Variants in LHX6 observed in about 807,000 individuals in gnomAD.
The protein encoded by LHX6 is LIM homeobox 6, also known as LIM/homeobox protein Lhx6.
LHX6 carries 15 observed loss-of-function variants against 47.1 expected under a neutral mutation model. The observed-to-expected ratio is 0.32, with a 90% CI of 0.21 to 0.49. The LOEUF is 0.49. Among genes scored for constraint, LHX6 ranks in the 20% least tolerant of loss-of-function variants. LHX6 has a pLI of 0.99. For missense variants in LHX6, 404 were observed against 539.6 expected (o/e 0.75, Z 2.49); for synonymous variants, 242 against 233.5 (o/e 1.04, Z -0.33).
intron 9 of LHX6, among the ~76,000 whole-genome samples, chr9:122,205,633 C>T (rs1050872149): frequency 2.0e-5 from 3 of 152,164 alleles, no homozygotes; most frequent in African/African-American, 7.2e-5. Flanking sequence ...ATGTTACTTG[C>T]CCAGAACTGG....
intron 4 of LHX6, among the ~76,000 whole-genome samples, chr9:122,220,005 A>T (rs568641218): frequency 2.0e-5 from 3 of 152,334 alleles, no homozygotes; most frequent in East Asian, 3.9e-4. Flanking sequence ...AGGAAAGGTC[A>T]TGGCCATCAG....
rs1179534158 is a variant in LHX6 at position 122,227,418 on chromosome 9, C to A, written c.147G>T (p.Pro49=). The A allele has an allele frequency of 2.3e-6, 3 of 1,284,466 alleles. No homozygotes were observed. The highest frequency in any genetic ancestry group is 3.0e-6 in the Non-Finnish European group (3 of 986,380). The allele number at this position is 1,284,466 out of a possible 1,614,324, so 79.6% of individuals were successfully genotyped here. ...GGCCAAACGGACTCACCATGGCGGG[C>A]GGCGCGGTCCCTTCAAGACAGCGGG... ...ATTRCLEGTA[P]PAMAQSDAEA... The change falls in exon 2 of 10, where the codon CCG becomes CCT. Residue 49 remains proline, a synonymous_variant. Transcript: ENST00000394319.
chr9:122,222,898 T>C (rs1830929571), intron 4 of LHX6, among the ~76,000 whole-genome samples: 1 of 152,184 alleles, frequency 6.6e-6, no homozygotes, highest in Non-Finnish European at 1.5e-5. Flanking sequence ...TGGCCTCTCT[T>C]TGGGCAGAGT....
chr9:122,219,275 C>A (rs1830724661), intron 4 of LHX6, among the ~76,000 whole-genome samples: 1 of 152,232 alleles, frequency 6.6e-6, no homozygotes, highest in Non-Finnish European at 1.5e-5. Context: ...GCGACAGGAC[C>A]CTTCCGCAGG....
chr9:122,204,743 C>T lies in LHX6; in HGVS notation c.*17G>A, dbSNP rs374714258. ...GCTGTGGGGCGCCCACGGGCAGATG[C>T]GGAAGTGCCGGCAGCGTTAGTACTG... On this transcript the variant is annotated 3_prime_UTR_variant, in exon 10 of 10. Coordinates refer to ENST00000394319, the MANE Select transcript of LHX6 (RefSeq NM_014368.5). The T allele has an allele frequency of 9.4e-6, 15 of 1,596,402 alleles. No individual in the cohort carries two copies. The highest frequency in any genetic ancestry group is 4.6e-5 in the East Asian group (2 of 43,444).
chr9:122,213,722 G>T lies in LHX6; in HGVS notation c.938C>A (p.Pro313Gln), dbSNP rs142314211. 1.3e-5 allele frequency: 21 copies of T among 1,611,556 alleles called. No individual in the cohort carries two copies. In the African/African-American group the frequency reaches 2.7e-4, roughly 20 times the overall value. ...GCGGGACGGGGGCGCCCCCGAGGGCGGCACTGGGTGTTGCGGCGTGTGCTT... is the reference window on the plus strand; with the variant it reads ...GCGGGACGGGGGCGCCCCCGAGGGCTGCACTGGGTGTTGCGGCGTGTGCTT... ...HKKHTPQHPV[P>Q]PSGAPPSRLP... The change falls in exon 8 of 10, where the codon CCG (proline) becomes CAG (glutamine). Residue 313 changes from proline (P) to glutamine (Q), a missense_variant. Around this residue, in one of 7 missense-constraint regions of LHX6, gnomAD observed 127 missense variants for 116.1 expected, o/e 1.09. Transcript: ENST00000394319. This position sits in a 1 kb window ranked among gnomAD's most constrained non-coding sequence, Gnocchi z 5.5.
At position 122,203,638 on chromosome 9, in the gene LHX6, TG is replaced by T. The variant is rs1830063554; in HGVS notation, c.*1121del. The T allele has an allele frequency of 6.6e-6, 1 of 152,592 alleles. No homozygotes were observed. The highest frequency in any genetic ancestry group is 2.4e-5 in the African/African-American group (1 of 41,464). 9.5% of individuals were successfully genotyped at this position (152,592 alleles called of 1,614,324 possible). A position where few individuals can be genotyped will look rare whatever the true frequency, so the allele number is the denominator to read the frequency against. On this transcript the variant is annotated 3_prime_UTR_variant, in exon 10 of 10. Coordinates refer to ENST00000394319, the MANE Select transcript of LHX6 (RefSeq NM_014368.5). ...TGTGTCTGACCTCTGTTCTCAGGGGTGGGTGGGGCTGGCTCCAGGAAGTATT... is the reference window on the plus strand; with the variant it reads ...TGTGTCTGACCTCTGTTCTCAGGGGTGGTGGGGCTGGCTCCAGGAAGTATT...
intron 9 of LHX6, among the ~76,000 whole-genome samples, chr9:122,208,834 T>TTA (rs1830289456): frequency 2.6e-5 from 3 of 117,290 alleles, no homozygotes; most frequent in African/African-American, 9.7e-5. Flanking sequence ...AAACTCTGTC[T>TTA]AAAAAAAAAA....
intron 1 of LHX6, chr9:122,227,764 G>A (rs1226074486): frequency 6.2e-6 from 3 of 485,478 alleles, no homozygotes; most frequent in Non-Finnish European, 1.0e-5. Context: ...GCCTCTGAGG[G>A]GGGAAGAAAA....
Position 122,203,363 on chromosome 9 carries a change from T to C in LHX6, c.*1397A>G, listed in dbSNP as rs1564428703. The stretch of plus-strand genomic sequence containing the variant: ...GGCTGCGTATGTACCATGAACTTGC[T>C]TTCCCTGTCTTAGAGTCTCCTTCCA... On this transcript the variant is annotated 3_prime_UTR_variant, in exon 10 of 10. Coordinates refer to ENST00000394319, the MANE Select transcript of LHX6 (RefSeq NM_014368.5). 2 of 152,542 alleles carry C rather than the reference T, an allele frequency of 1.3e-5. No individual in the cohort carries two copies. The highest frequency in any genetic ancestry group is 4.8e-5 in the African/African-American group (2 of 41,446). The allele number at this position is 152,542 out of a possible 1,614,324, so 9.4% of individuals were successfully genotyped here.
At chr9:122,221,443 C>G (rs1243329651) in intron 4 of LHX6, 1 of 985,366 alleles carries the variant, frequency 1.0e-6, no homozygotes, top group East Asian at 1.1e-4. Flanking sequence ...AGGCTTCTCC[C>G]GCTGGAGCCC....
intron 8 of LHX6, among the ~76,000 whole-genome samples, chr9:122,210,480 C>A (rs749468826): frequency 6.6e-6 from 1 of 152,152 alleles, no homozygotes; most frequent in Admixed American, 6.5e-5. Context: ...TCTCTCTTTA[C>A]GACTGCAACC....
intron 8 of LHX6, among the ~76,000 whole-genome samples, chr9:122,212,385 G>A (rs1830430462): frequency 6.6e-6 from 1 of 152,162 alleles, no homozygotes; most frequent in Non-Finnish European, 1.5e-5. Flanking sequence ...GGCCTCTGAT[G>A]TTTAGAGACA....
In LHX6 at chr9:122,228,868, C is replaced by G. The variant is rs1025971871; in HGVS notation, c.-128G>C. ...GAGCCGAGGCGCCGGCCCCGCCGCCCCGGGCCCGGCCTCAGCCCCCGCCCC... is the reference window on the plus strand; with the variant it reads ...GAGCCGAGGCGCCGGCCCCGCCGCCGCGGGCCCGGCCTCAGCCCCCGCCCC... On this transcript the variant is annotated 5_prime_UTR_variant, in exon 1 of 10. Transcript: ENST00000394319. 2.2e-5 allele frequency: 11 copies of G among 498,892 alleles called. No homozygotes were observed. The highest frequency in any genetic ancestry group is 2.1e-4 in the African/African-American group (10 of 48,448). 30.9% of individuals were successfully genotyped at this position (498,892 alleles called of 1,614,324 possible). A position where few individuals can be genotyped will look rare whatever the true frequency, so the allele number is the denominator to read the frequency against.
intron 5 of LHX6, among the ~76,000 whole-genome samples, chr9:122,215,582 C>G (rs979440190): frequency 1.3e-5 from 2 of 152,042 alleles, no homozygotes; most frequent in South Asian, 2.1e-4. Flanking sequence ...CCTGTGGTCG[C>G]TGATGGACCA....
At chr9:122,224,171 G>T (rs1830994045) in intron 4 of LHX6, among the ~76,000 whole-genome samples, 1 of 152,118 alleles carries the variant, frequency 6.6e-6, no homozygotes, top group African/African-American at 2.4e-5. Context: ...GGGACTACAG[G>T]CACGTGCCAC....
At chr9:122,227,535 A>G (rs2118921864) in intron 1 of LHX6, 55 bp from the exon 2 acceptor site, 1 of 1,510,822 alleles carries the variant, frequency 6.6e-7, no homozygotes, top group Non-Finnish European at 8.8e-7. Flanking sequence ...CTGGCTCCGC[A>G]CAGCCTGAGC....
chr9:122,204,446 T>G lies in LHX6; in HGVS notation c.*314A>C. The G allele has an allele frequency of 2.5e-6, 1 of 392,940 alleles. No homozygotes were observed. Among genetic ancestry groups the G allele is most frequent in the East Asian group, 3.7e-5 (1 of 27,130 alleles). The allele number at this position is 392,940 out of a possible 1,614,324, so 24.3% of individuals were successfully genotyped here. A position where few individuals can be genotyped will look rare whatever the true frequency, so the allele number is the denominator to read the frequency against. The stretch of plus-strand genomic sequence containing the variant: ...GCATCGCACAATTCAATTCCGCCTT[T>G]TGTTATTGTAATCAGCTGAAGTTGA... On this transcript the variant is annotated 3_prime_UTR_variant, in exon 10 of 10. Transcript: ENST00000394319.
At chr9:122,212,721 G>A (rs932988810) in intron 8 of LHX6, among the ~76,000 whole-genome samples, 4 of 152,032 alleles carry the variant, frequency 2.6e-5, no homozygotes, top group East Asian at 1.9e-4. Flanking sequence ...CTGCATCTCC[G>A]CCACAGTACT....
Sources: allele counts gnomAD v4.1 joint callset (sites outside exome capture counted in the v4.1 genomes callset), GRCh38; gene constraint gnomAD v4.1.1; regional missense constraint gnomAD v4.1.1; non-coding constraint Gnocchi (gnomAD v3.1); transcripts MANE v1.5; gene names NCBI Gene and HGNC (gene_info 2026-07-23, HGNC 2026-07-21).